Variants in TMOD1 observed in about 807,000 individuals in gnomAD.
The protein encoded by TMOD1 is tropomodulin-1.
Under a neutral mutation model 40.6 loss-of-function variants are expected in TMOD1, and 17 were observed. The observed-to-expected ratio is 0.42, with a 90% confidence interval of 0.29 to 0.63. The LOEUF is 0.63. Ranked by LOEUF, TMOD1 falls within the 20% of genes least tolerant of loss-of-function variation. The probability of loss-of-function intolerance (pLI) is 0.22; values close to 1 mark genes in which losing one functional copy is unlikely to be tolerated. For synonymous variants in TMOD1, 181 were observed against 175.0 expected (o/e 1.03, Z -0.27); for missense variants, 391 against 447.6 (o/e 0.87, Z 1.14).
At chr9:97,563,966 CA>C in intron 5 of TMOD1, 71 bp from the exon 6 acceptor site, 1 of 1,563,220 alleles carries the variant, frequency 6.4e-7, no homozygotes, top group East Asian at 2.3e-5. Flanking sequence ...CTCCCTTCCA[CA>C]GTATCTTTGT....
chr9:97,521,885 T>G (rs969307417), intron 1 of TMOD1, among the ~76,000 whole-genome samples: 1 of 152,254 alleles, frequency 6.6e-6, no homozygotes, highest in Admixed American at 6.5e-5. Flanking sequence ...GTTAGCTTAG[T>G]GAACTTTGGT....
At chr9:97,509,774 C>A (rs1486175558) in intron 1 of TMOD1, among the ~76,000 whole-genome samples, 1 of 152,122 alleles carries the variant, frequency 6.6e-6, no homozygotes, top group East Asian at 1.9e-4. Flanking sequence ...CTGGTCTCCC[C>A]ACATCTTGTC....
At chr9:97,531,036 C>CCG (rs1554754340) in intron 2 of TMOD1, among the ~76,000 whole-genome samples, 3 of 127,304 alleles carry the variant, frequency 2.4e-5, no homozygotes, top group Admixed American at 7.7e-5. Context: ...GATCCACACC[C>CCG]ACCCCCCCCA....
At position 97,540,482 on chromosome 9, in the gene TMOD1, C is replaced by T. The variant is rs144511047; in HGVS notation, c.121-5703C>T. Among the ~76,000 whole-genome samples, 1,185 of 152,274 alleles carry T rather than the reference C, an allele frequency of 7.8e-3. 14 individuals are homozygous for T. The highest frequency in any genetic ancestry group is 0.027 in the African/African-American group (1,107 of 41,538). ...ATGATCTCCTTACAGGCCCTGTCTCCAATTATAGTCACTCTGGGGGTGAGG... is the reference window on the plus strand; with the variant it reads ...ATGATCTCCTTACAGGCCCTGTCTCTAATTATAGTCACTCTGGGGGTGAGG... On this transcript the variant is annotated intron_variant, in intron 2 of 9. Coordinates refer to ENST00000259365, the MANE Select transcript of TMOD1 (RefSeq NM_003275.4).
intron 4 of TMOD1, among the ~76,000 whole-genome samples, chr9:97,559,834 T>C: frequency 2.2e-5 from 1 of 46,088 alleles, no homozygotes; most frequent in African/African-American, 9.3e-5. Context: ...TGTCTATCTA[T>C]CTATCTATCT....
chr9:97,558,099 G>A (rs1231456089), intron 4 of TMOD1, among the ~76,000 whole-genome samples: 1 of 152,006 alleles, frequency 6.6e-6, no homozygotes, highest in East Asian at 1.9e-4. Flanking sequence ...AAATCTAGCT[G>A]GGCCCTTCCC....
intron 4 of TMOD1, among the ~76,000 whole-genome samples, chr9:97,559,072 C>T (rs1830577215): frequency 1.3e-5 from 2 of 152,206 alleles, no homozygotes; most frequent in African/African-American, 4.8e-5. Context: ...TCTCTCCACT[C>T]TAAGCCACAC....
intron 2 of TMOD1, among the ~76,000 whole-genome samples, chr9:97,535,685 G>C (rs1830170501): frequency 6.6e-6 from 1 of 152,220 alleles, no homozygotes; most frequent in South Asian, 2.1e-4. Flanking sequence ...AGCCAGGGAG[G>C]GAAGGTTTGT....
chr9:97,536,177 C>T (rs1349142636), intron 2 of TMOD1, among the ~76,000 whole-genome samples: 1 of 152,136 alleles, frequency 6.6e-6, no homozygotes, highest in Non-Finnish European at 1.5e-5. Context: ...GGGATGGGAC[C>T]ATAAGTGCCT....
rs1830547627 is a variant in TMOD1 at position 97,557,050 on chromosome 9, A to G, written c.397+3650A>G. ...ACCTAACTGCTCACTAAGCCAGTGCACATTATTGAACTCCTACTGTATACT... is the reference window on the plus strand; with the variant it reads ...ACCTAACTGCTCACTAAGCCAGTGCGCATTATTGAACTCCTACTGTATACT... On this transcript the variant is annotated intron_variant, in intron 4 of 9. Coordinates refer to ENST00000259365, the MANE Select transcript of TMOD1 (RefSeq NM_003275.4). The surrounding 1 kb of genome is among the most constrained non-coding windows in gnomAD (Gnocchi z 4.4). Among the ~76,000 whole-genome samples, 1 of 152,202 alleles carries G rather than the reference A, an allele frequency of 6.6e-6. No individual in the cohort carries two copies. Among genetic ancestry groups the G allele is most frequent in the South Asian group, 2.1e-4 (1 of 4,836 alleles).
intron 1 of TMOD1, among the ~76,000 whole-genome samples, chr9:97,508,269 A>G (rs1829628478): frequency 1.3e-5 from 2 of 151,808 alleles, no homozygotes; most frequent in Non-Finnish European, 2.9e-5. Context: ...GCTCACTGCA[A>G]CCTCCGCCTC....
intron 2 of TMOD1, among the ~76,000 whole-genome samples, chr9:97,543,848 ATGGCTCACC>A (rs1236297795): frequency 6.6e-6 from 1 of 152,268 alleles, no homozygotes; most frequent in African/African-American, 2.4e-5. Flanking sequence ...CCACAGAAGC[ATGGCTCACC>A]TGGGAGCATC....
rs76312422 is a variant in TMOD1 at position 97,524,687 on chromosome 9, G to A, written c.120+379G>A. Among the ~76,000 whole-genome samples, 1,116 of 152,254 alleles carry A rather than the reference G, an allele frequency of 7.3e-3. 16 individuals are homozygous for A. The highest frequency in any genetic ancestry group is 0.026 in the African/African-American group (1,064 of 41,530). The stretch of plus-strand genomic sequence containing the variant: ...TACAAATACAAATAACCAGCAGGCC[G>A]AAGACCCAGGAAGAGTTGGGTCTGG... On this transcript the variant is annotated intron_variant, in intron 2 of 9. Transcript: ENST00000259365.
intron 8 of TMOD1, among the ~76,000 whole-genome samples, chr9:97,587,050 A>G (rs1182713925): frequency 1.3e-5 from 2 of 152,146 alleles, no homozygotes; most frequent in African/African-American, 2.4e-5. Context: ...GCATAATTCT[A>G]TGGAGATTCA....
At chr9:97,529,364 A>T (rs1830065418) in intron 2 of TMOD1, among the ~76,000 whole-genome samples, 1 of 152,016 alleles carries the variant, frequency 6.6e-6, no homozygotes, top group African/African-American at 2.4e-5. Context: ...ACCACATATG[A>T]TTTCTTTGAA....
At chr9:97,596,199 T>C (rs894418908) in intron 9 of TMOD1, among the ~76,000 whole-genome samples, 1 of 152,132 alleles carries the variant, frequency 6.6e-6, no homozygotes, top group Non-Finnish European at 1.5e-5. Flanking sequence ...CCAATCCCAG[T>C]GTCCTGCCGT....
chr9:97,501,694 C>A lies in TMOD1; in HGVS notation c.-158C>A, dbSNP rs926372768. On this transcript the variant is annotated 5_prime_UTR_variant, in exon 1 of 10. Transcript: ENST00000259365. ...CTCGTCCAGCCCCGCGCTGCGCTCGCCCGCCCGCTGCCCGCCGGAGCACCG... is the reference window on the plus strand; with the variant it reads ...CTCGTCCAGCCCCGCGCTGCGCTCGACCGCCCGCTGCCCGCCGGAGCACCG... 11 of 149,396 alleles carry A rather than the reference C, an allele frequency of 7.4e-5. No homozygotes were observed. Among genetic ancestry groups the A allele is most frequent in the Admixed American group, 2.7e-4 (4 of 14,938 alleles). The allele number at this position is 149,396 out of a possible 1,614,324, so 9.3% of individuals were successfully genotyped here.
At chr9:97,551,014 ATTTTTTTTTTTTTTTTTTT>A (rs55700746) in intron 3 of TMOD1, among the ~76,000 whole-genome samples, 12 of 104,258 alleles carry the variant, frequency 1.2e-4, no homozygotes, top group East Asian at 4.9e-4. Context: ...ATATATATAT[ATTTTTTTTTTTTTTTTTTT>A]TTTTTTTTTA....
chr9:97,532,666 C>A (rs1429048248), intron 2 of TMOD1, among the ~76,000 whole-genome samples: 6 of 152,068 alleles, frequency 3.9e-5, no homozygotes, highest in African/African-American at 1.4e-4. Flanking sequence ...CCCTGCCTTT[C>A]TGTCTCCCTT....
Sources: gnomAD v4.1 joint callset for allele counts (sites outside exome capture counted in the v4.1 genomes callset) on GRCh38, gnomAD v4.1.1 for gene constraint, Gnocchi (gnomAD v3.1) non-coding constraint, MANE v1.5 for transcripts, NCBI Gene and HGNC (gene_info 2026-07-23, HGNC 2026-07-21) for gene names.